The following KMT5B variants were observed in gnomAD, a reference collection of about 807,000 sequenced individuals.
KMT5B encodes the protein lysine methyltransferase 5B.
A neutral mutation model predicts 83.2 loss-of-function variants in KMT5B; 10 were observed. That is an observed-to-expected ratio of 0.12 (90% CI 0.07 to 0.20). The LOEUF is 0.20. Among genes scored for constraint, KMT5B ranks in the 10% least tolerant of loss-of-function variants. The pLI is 1.00. For missense variants in KMT5B, 753 were observed against 1,067.2 expected (o/e 0.71, Z 4.10); for synonymous variants, 349 against 388.8 (o/e 0.90, Z 1.20).
At chr11:68,205,007 G>A (rs1351487588) in intron 1 of KMT5B, among the ~76,000 whole-genome samples, 3 of 152,028 alleles carry the variant, frequency 2.0e-5, no homozygotes, top group Non-Finnish European at 4.4e-5. Flanking sequence ...AAGTAGAAAC[G>A]CTTTACAGTT....
chr11:68,201,784 A>C (rs937151889), intron 1 of KMT5B, among the ~76,000 whole-genome samples: 7 of 152,150 alleles, frequency 4.6e-5, no homozygotes, highest in Non-Finnish European at 2.9e-5. Flanking sequence ...ACACATTTTT[A>C]AAAAGTAGGT....
intron 10 of KMT5B, among the ~76,000 whole-genome samples, chr11:68,159,658 GGGCTCTAA>G (rs756909877): frequency 2.0e-5 from 3 of 152,190 alleles, no homozygotes. Flanking sequence ...GAATACTCAT[GGGCTCTAA>G]GGAACAAATT....
At chr11:68,209,022 C>T (rs1201744108) in intron 1 of KMT5B, among the ~76,000 whole-genome samples, 2 of 152,196 alleles carry the variant, frequency 1.3e-5, no homozygotes, top group East Asian at 1.9e-4. Flanking sequence ...CACTGGCTCA[C>T]TGGCTGAAGG....
At chr11:68,194,477 G>C (rs1276214757) in intron 1 of KMT5B, among the ~76,000 whole-genome samples, 2 of 152,130 alleles carry the variant, frequency 1.3e-5, no homozygotes, top group Non-Finnish European at 2.9e-5. Flanking sequence ...ACAGGCATGA[G>C]CCATTGTGCC....
Position 68,180,209 on chromosome 11 carries a change from A to G in KMT5B, c.309-9T>C. On this transcript the variant is annotated splice_polypyrimidine_tract_variant and intron_variant, in intron 3 of 10. Transcript: ENST00000304363. ...TCCTCGAAGGAAAGGCGCTATATAA[A>G]TGCAAAAACAAACAACAAAAATAAA... 6.4e-7 allele frequency: 1 copy of G among 1,563,064 alleles called. No homozygotes were observed.
intron 5 of KMT5B, chr11:68,174,245 A>C (rs890087378): frequency 2.3e-5 from 9 of 387,440 alleles, no homozygotes; most frequent in Non-Finnish European, 4.5e-5. Flanking sequence ...AAAAAGTAAG[A>C]TCATTAGGTA....
chr11:68,158,611 G>A lies in KMT5B; in HGVS notation c.1735C>T (p.Leu579=). ...TCCTGCAGCACAGGAGCTGGCTGCA[G>A]CTGTTCACCACTGTCGGGGCAAGGT... ...TEPCPDSGEQ[L]QPAPVLQEEE... is the part of the protein sequence containing the mutation. Residue 579 remains leucine, a synonymous_variant, in exon 11 of 11, where the codon CTG becomes TTG. Coordinates refer to ENST00000304363, the MANE Select transcript of KMT5B (RefSeq NM_017635.5). 6.2e-7 allele frequency: 1 copy of A among 1,614,176 alleles called. No individual in the cohort carries two copies. Among genetic ancestry groups the A allele is most frequent in the Non-Finnish European group, 8.5e-7 (1 of 1,180,042 alleles).
At position 68,158,587 on chromosome 11, in the gene KMT5B, C is replaced by T; in HGVS notation, c.1759G>A (p.Glu587Lys). Residue 587 changes from glutamate to lysine, a missense_variant, in exon 11 of 11, where the codon GAG (glutamate) becomes AAG (lysine). Coordinates refer to ENST00000304363, the MANE Select transcript of KMT5B (RefSeq NM_017635.5). ...GCAGTCTCATGAGCCAGTTCTTCCT[C>T]CTGCAGCACAGGAGCTGGCTGCAGC... ...EQLQPAPVLQ[E>K]EELAHETAQK... is the part of the protein sequence containing the mutation. 1.2e-6 allele frequency: 2 copies of T among 1,614,160 alleles called. No homozygotes were observed. The highest frequency in any genetic ancestry group is 1.7e-6 in the Non-Finnish European group (2 of 1,180,038).
chr11:68,178,534 A>G (rs1454730532), intron 4 of KMT5B, among the ~76,000 whole-genome samples: 5 of 152,086 alleles, frequency 3.3e-5, no homozygotes, highest in Admixed American at 6.5e-5. Flanking sequence ...CACTAAAAAT[A>G]TAAGTTGCTG....
At chr11:68,198,698 A>G (rs1859038845) in intron 1 of KMT5B, among the ~76,000 whole-genome samples, 1 of 152,166 alleles carries the variant, frequency 6.6e-6, no homozygotes, top group South Asian at 2.1e-4. Context: ...TTTGTCCCAA[A>G]TTGTTAGGAA....
chr11:68,191,513 T>C (rs906289774), intron 1 of KMT5B, among the ~76,000 whole-genome samples: 1 of 151,850 alleles, frequency 6.6e-6, no homozygotes, highest in Non-Finnish European at 1.5e-5. Context: ...TTTGTATTTT[T>C]AGTAGAGACA....
chr11:68,193,800 C>CTTTTT (rs35179552), intron 1 of KMT5B, among the ~76,000 whole-genome samples: 16 of 140,078 alleles, frequency 1.1e-4, no homozygotes, highest in African/African-American at 3.9e-4. Flanking sequence ...CAGCAGTATA[C>CTTTTT]TTTTTTTTTT....
intron 2 of KMT5B, among the ~76,000 whole-genome samples, chr11:68,188,026 C>CTTTTTT (rs1168742073): frequency 1.4e-5 from 2 of 139,432 alleles, no homozygotes; most frequent in Non-Finnish European, 3.1e-5. Context: ...TTTCCTTTTT[C>CTTTTTT]TTTTTTTTTT....
At chr11:68,188,683 TATA>T (rs1197933850) in intron 2 of KMT5B, among the ~76,000 whole-genome samples, 4 of 152,218 alleles carry the variant, frequency 2.6e-5, no homozygotes, top group Non-Finnish European at 5.9e-5. Context: ...CTTGTGTATC[TATA>T]ATAATTCAAC....
intron 3 of KMT5B, among the ~76,000 whole-genome samples, chr11:68,182,898 G>A (rs1174458187): frequency 6.6e-6 from 1 of 151,824 alleles, no homozygotes; most frequent in Non-Finnish European, 1.5e-5. Flanking sequence ...CACCACGCCT[G>A]GCTAAATTTT....
intron 4 of KMT5B, among the ~76,000 whole-genome samples, chr11:68,176,215 G>A (rs368143807): frequency 2.0e-5 from 3 of 152,058 alleles, no homozygotes; most frequent in Admixed American, 6.6e-5. Context: ...TGCAGGGGTA[G>A]AATTGAAAAG....
rs1328108412 is a variant in KMT5B at position 68,167,155 on chromosome 11, G to A, written c.1001C>T (p.Ser334Phe). The A allele has an allele frequency of 6.2e-7, 1 of 1,612,532 alleles. No homozygotes were observed. Among genetic ancestry groups the A allele is most frequent in the Non-Finnish European group, 8.5e-7 (1 of 1,179,208 alleles). Residue 334 changes from serine to phenylalanine, a missense_variant, in exon 10 of 11, where the codon TCC becomes TTC. Physicochemically the swap from Ser to Phe is radical, Grantham distance 155. Around this residue, in one of 9 missense-constraint regions of KMT5B, gnomAD observed 16 missense variants for 16.1 expected, o/e 0.99. Transcript: ENST00000304363. ...AGCAGGCGCAGGCAGTCCCACTCTG[G>A]ATTTAAAAGCACCAGTGCCCCGTCT... ...CERRGTGAFK[S>F]RVGLPAPAPV...
upstream of KMT5B, chr11:68,213,429 G>T (rs905967855): frequency 7.4e-6 from 1 of 134,356 alleles, no homozygotes; most frequent in Non-Finnish European, 1.6e-5. Context: ...GCCTCGGCTC[G>T]CTGCGCCCCC....
At chr11:68,213,562 C>T (rs911605188), upstream of KMT5B, 2 of 151,948 alleles carry the variant, frequency 1.3e-5, no homozygotes, top group African/African-American at 4.8e-5. Context: ...CGCGGTGCCG[C>T]CTCCGGTTCC....
Sources: allele counts gnomAD v4.1 joint callset (sites outside exome capture counted in the v4.1 genomes callset), GRCh38; gene constraint gnomAD v4.1.1; regional missense constraint gnomAD v4.1.1; transcripts MANE v1.5; gene names NCBI Gene and HGNC (gene_info 2026-07-23, HGNC 2026-07-21).